ZNF578: variants seen among roughly 807,000 people sequenced by gnomAD.
ZNF578 encodes the protein Putative chemokine-related protein B42.
Under a neutral mutation model 8.3 loss-of-function variants are expected in ZNF578, and 8 were observed. The observed-to-expected ratio is 0.96, with a 90% confidence interval of 0.56 to 1.74. The LOEUF is 1.74. Ranked by LOEUF, ZNF578 falls within the 40% of genes most tolerant of loss-of-function variation. The pLI is 0.00. For missense variants in ZNF578, 726 were observed against 707.5 expected, an observed-to-expected ratio of 1.03 and a Z score of -0.30; for synonymous variants, 206 against 232.2, an observed-to-expected ratio of 0.89 and a Z score of 1.03.
In ZNF578 at chr19:52,513,642, A is replaced by G. The variant is rs1230569093; in HGVS notation, c.*1488A>G. The stretch of plus-strand genomic sequence containing the variant: ...CTACTCAGGGGGCTGAGGCTGGACA[A>G]TGGTGTGAACCCAGGAGGCGGTGCT... On this transcript the variant is annotated 3_prime_UTR_variant, in exon 6 of 6. Coordinates refer to ENST00000421239, the MANE Select transcript of ZNF578 (RefSeq NM_001099694.2). Among the ~76,000 whole-genome samples the G allele has an allele frequency of 1.3e-5, 2 of 150,496 alleles. No homozygotes were observed. Among genetic ancestry groups the G allele is most frequent in the African/African-American group, 2.4e-5 (1 of 40,870 alleles).
intron 1 of ZNF578, chr19:52,455,321 T>C (rs1387884008): frequency 6.6e-6 from 1 of 150,446 alleles, no homozygotes; most frequent in Non-Finnish European, 1.5e-5. Context: ...TGCCTCAACC[T>C]CCCGAGTAGC....
At position 52,511,456 on chromosome 19, in the gene ZNF578, A is replaced by G; in HGVS notation, c.1075A>G (p.Arg359Gly). The change falls in exon 6 of 6, where the codon AGA (arginine) becomes GGA (glycine). Residue 359 changes from arginine (R) to glycine (G), a missense_variant. Transcript: ENST00000421239. ...GTCCTTCAGTTACAAGTCATCCCTT[A>G]GATGCCATCGTAGACTTCATACTGG... ...GKSFSYKSSL[R>G]CHRRLHTGIK... 1.2e-6 allele frequency: 2 copies of G among 1,614,160 alleles called. No individual in the cohort carries two copies. Among genetic ancestry groups the G allele is most frequent in the South Asian group, 2.2e-5 (2 of 91,082 alleles).
At chr19:52,510,342 TGTCA>T (rs2059440071) in intron 5 of ZNF578, among the ~76,000 whole-genome samples, 1 of 152,218 alleles carries the variant, frequency 6.6e-6, no homozygotes. Flanking sequence ...GTTTGTGCCC[TGTCA>T]GTGTTTTGTC....
At chr19:52,476,576 C>T (rs750936502) in intron 2 of ZNF578, among the ~76,000 whole-genome samples, 5 of 152,200 alleles carry the variant, frequency 3.3e-5, no homozygotes, top group Non-Finnish European at 7.3e-5. Flanking sequence ...TATTCTTCAA[C>T]ATTTTAAATC....
rs571670247 is a variant in ZNF578 at position 52,471,377 on chromosome 19, G to T, written c.-122+14419G>T. ...CTTAACTTTACAATTGTATGAGCCG[G>T]TTCTCCCTAATAAACTCCCTTTTAT... On this transcript the variant is annotated intron_variant, in intron 2 of 5. Transcript: ENST00000421239. 1.3e-4 allele frequency among the ~76,000 whole-genome samples: 20 copies of T among 152,204 alleles called. 1 individual carries two copies. The highest frequency in any genetic ancestry group is 4.8e-4 in the African/African-American group (20 of 41,548).
intron 2 of ZNF578, among the ~76,000 whole-genome samples, chr19:52,486,880 A>G (rs1304225249): frequency 6.6e-6 from 1 of 152,012 alleles, no homozygotes; most frequent in African/African-American, 2.4e-5. Context: ...AAGAGGTGGA[A>G]GAGAAGGAAT....
chr19:52,459,031 G>A (rs533923262), intron 2 of ZNF578, among the ~76,000 whole-genome samples: 31 of 152,224 alleles, frequency 2.0e-4, no homozygotes, highest in Non-Finnish European at 4.0e-4. Context: ...TTTTGTGTTT[G>A]AATGGCTGTG....
At chr19:52,460,874 G>T (rs1479662763) in intron 2 of ZNF578, among the ~76,000 whole-genome samples, 24 of 152,144 alleles carry the variant, frequency 1.6e-4, no homozygotes, top group Non-Finnish European at 4.4e-5. Flanking sequence ...TTTTGTTGGG[G>T]ACCAGCCTCA....
intron 5 of ZNF578, among the ~76,000 whole-genome samples, chr19:52,509,033 C>G (rs1478880971): frequency 1.3e-5 from 2 of 150,544 alleles, no homozygotes; most frequent in Non-Finnish European, 2.9e-5. Context: ...TCCAAAGTAG[C>G]TGAGATAACA....
chr19:52,487,416 A>G (rs751438972), intron 2 of ZNF578, among the ~76,000 whole-genome samples: 22 of 152,166 alleles, frequency 1.4e-4, no homozygotes, highest in Non-Finnish European at 7.3e-5. Context: ...AAACTTGTTT[A>G]TACACATCAG....
chr19:52,493,147 T>G (rs776633259), intron 3 of ZNF578, among the ~76,000 whole-genome samples: 1 of 152,140 alleles, frequency 6.6e-6, no homozygotes, highest in Non-Finnish European at 1.5e-5. Context: ...GCCCCGTGCT[T>G]CTTAAAGTCC....
intron 2 of ZNF578, among the ~76,000 whole-genome samples, chr19:52,475,573 G>A (rs541043324): frequency 6.6e-6 from 1 of 152,036 alleles, no homozygotes; most frequent in Non-Finnish European, 1.5e-5. Context: ...TGGTCAGGCT[G>A]GTCTCGAACC....
chr19:52,511,305 T>A lies in ZNF578; in HGVS notation c.924T>A (p.Cys308Ter). The A allele has an allele frequency of 1.2e-6, 2 of 1,614,092 alleles. No homozygotes were observed. The highest frequency in any genetic ancestry group is 8.5e-7 in the Non-Finnish European group (1 of 1,179,988). The change falls in exon 6 of 6, where the codon TGT becomes TGA. Residue 308 changes from cysteine (C) to a stop codon, truncating the protein, a stop_gained. Coordinates refer to ENST00000421239, the MANE Select transcript of ZNF578 (RefSeq NM_001099694.2). LOFTEE classifies it low-confidence loss of function (END_TRUNC). Reference protein sequence around the residue: ...YKSSLTCHRRCHTGEKPYKCN... With the variant: ...YKSSLTCHRR ...CATCCCTGACATGCCATCGTAGATGTCACACTGGTGAGAAACCTTACAAGT... is the reference window on the plus strand; with the variant it reads ...CATCCCTGACATGCCATCGTAGATGACACACTGGTGAGAAACCTTACAAGT...
At chr19:52,460,997 T>G (rs1340380480) in intron 2 of ZNF578, among the ~76,000 whole-genome samples, 3 of 152,152 alleles carry the variant, frequency 2.0e-5, no homozygotes. Flanking sequence ...GCAAACAGCA[T>G]AAACCGATAC....
intron 2 of ZNF578, chr19:52,473,890 A>C (rs1475508723): frequency 6.2e-6 from 2 of 322,658 alleles, no homozygotes. Flanking sequence ...TGCCACATTC[A>C]TTACATCTAT....
chr19:52,455,193 C>CTTTTTTTTTTTTTTT (rs10607252), intron 1 of ZNF578: 1 of 98,400 alleles, frequency 1.0e-5, no homozygotes, highest in African/African-American at 3.9e-5. Flanking sequence ...GCCTTTCTAT[C>CTTTTTTTTTTTTTTT]TTTTTTTTTT....
rs376936931 is a variant in ZNF578, at chr19:52,475,559, A to G, written c.-121-15765A>G. Among the ~76,000 whole-genome samples the G allele has an allele frequency of 3.4e-4, 52 of 152,098 alleles. 2 individuals carry two copies. The South Asian group carries it at 6.4e-3, about 19-fold the overall frequency. On this transcript the variant is annotated intron_variant, in intron 2 of 5. Coordinates refer to ENST00000421239, the MANE Select transcript of ZNF578 (RefSeq NM_001099694.2). ...TTTTTAGTAGAGACGGGGTTTCACC[A>G]TGTTGGTCAGGCTGGTCTCGAACCT...
At chr19:52,490,896 G>T (rs191888945) in intron 2 of ZNF578, among the ~76,000 whole-genome samples, 2 of 152,248 alleles carry the variant, frequency 1.3e-5, no homozygotes, top group East Asian at 3.9e-4. Context: ...TAAGCTTCTT[G>T]TGGATTATTT....
At chr19:52,459,733 G>A (rs1333189473) in intron 2 of ZNF578, among the ~76,000 whole-genome samples, 6 of 22,544 alleles carry the variant, frequency 2.7e-4, no homozygotes, top group South Asian at 1.9e-3. Flanking sequence ...GTGTGTGTGT[G>A]TGTGTGTGTG....
Sources: allele counts gnomAD v4.1 joint callset (sites outside exome capture counted in the v4.1 genomes callset), GRCh38; gene constraint gnomAD v4.1.1; transcripts MANE v1.5; gene names NCBI Gene and HGNC (gene_info 2026-07-23, HGNC 2026-07-21).